The following CAPN14 variants were observed in gnomAD, a reference collection of about 807,000 sequenced individuals.
The protein encoded by CAPN14 is calpain 14.
In CAPN14, 94 loss-of-function variants were observed where a neutral mutation model predicts 101.3. The ratio of observed to expected loss-of-function variants is 0.93; its 90% CI spans 0.79 to 1.10. The LOEUF is 1.10. CAPN14 is among the 50% of genes least tolerant of loss of function. The pLI, the probability that CAPN14 is intolerant of heterozygous loss-of-function variation, is 0.00. For missense variants in CAPN14, 837 were observed against 828.4 expected, an observed-to-expected ratio of 1.01 and a Z score of -0.13; for synonymous variants, 338 against 317.9, an observed-to-expected ratio of 1.06 and a Z score of -0.67.
At chr2:31,192,230 T>A in intron 10 of CAPN14, 132 bp from the exon 11 acceptor site, 1 of 1,058,430 alleles carries the variant, frequency 9.4e-7, no homozygotes, top group Non-Finnish European at 1.3e-6. Flanking sequence ...TGGGACAGAG[T>A]CGGGGTCCCT....
intron 8 of CAPN14, 53 bp from the exon 9 acceptor site, chr2:31,194,536 T>G: frequency 8.2e-7 from 1 of 1,214,006 alleles, no homozygotes; most frequent in Non-Finnish European, 1.2e-6. Context: ...TAGAAATTCT[T>G]TAGTAAAGGC....
intron 12 of CAPN14, 129 bp from the exon 13 acceptor site, chr2:31,189,607 G>A: frequency 1.3e-6 from 1 of 755,710 alleles, no homozygotes; most frequent in Non-Finnish European, 2.3e-6. Flanking sequence ...AGGCCCCAGT[G>A]GAGGATGAAA....
chr2:31,205,320 A>C lies in CAPN14; in HGVS notation c.128T>G (p.Leu43Arg). 1.3e-6 allele frequency: 2 copies of C among 1,550,962 alleles called. No homozygotes were observed. Among genetic ancestry groups the C allele is most frequent in the Non-Finnish European group, 1.7e-6 (2 of 1,146,966 alleles). Residue 43 changes from leucine to arginine, a missense_variant, in exon 2 of 22, where the codon CTC (leucine) becomes CGC (arginine). Leu to Arg is a moderately radical substitution (Grantham distance 102). Transcript: ENST00000403897. ...LLAECLRNGC[L>R]FEDTSFPATL... ...GGCCGGGAAGCTGGTGTCTTCAAAG[A>C]GGCAGCCATTCCTCAGGCACTCTGC...
chr2:31,197,249 C>T lies in CAPN14; in HGVS notation c.875G>A (p.Ser292Asn). The T allele has an allele frequency of 1.3e-6, 2 of 1,549,372 alleles. No individual in the cohort carries two copies. Among genetic ancestry groups the T allele is most frequent in the East Asian group, 2.4e-5 (1 of 40,888 alleles). ...KVEWKGDWSDSSSKWELLSPK... is the reference protein window; with the variant it reads ...KVEWKGDWSDNSSKWELLSPK... ...CCTCCAAGATGTCCCCAAAGTTCAC[C>T]TGTCACTCCAGTCTCCTTTCCATTC... The change falls in exon 8 of 22, where the codon AGT (serine) becomes AAT (asparagine). Residue 292 changes from serine (S) to asparagine (N), a missense_variant and splice_region_variant. By Grantham distance (46) the Ser-to-Asn change is conservative (BLOSUM62 1). Transcript: ENST00000403897.
intron 7 of CAPN14, 26 bp from the exon 8 acceptor site, chr2:31,197,360 G>C (rs1364343602): frequency 6.8e-7 from 1 of 1,481,424 alleles, no homozygotes; most frequent in Non-Finnish European, 9.2e-7. Context: ...GGCAGTTTAG[G>C]TGACTGGGCT....
intron 8 of CAPN14, among the ~76,000 whole-genome samples, chr2:31,196,425 C>T (rs140950462): frequency 1.3e-5 from 2 of 152,314 alleles, no homozygotes; most frequent in African/African-American, 4.8e-5. Flanking sequence ...GATTCAGTTC[C>T]TCTAACAACA....
intron 7 of CAPN14, 66 bp downstream of exon 7, chr2:31,199,404 T>C (rs1572415370): frequency 1.5e-6 from 2 of 1,331,100 alleles, no homozygotes; most frequent in South Asian, 1.3e-5. Flanking sequence ...TCCACCAAGA[T>C]AAGCTAGGGT....
In CAPN14 at chr2:31,206,021, A is replaced by ATTTT. The variant is rs200116287; in HGVS notation, c.-52-526_-52-523dup. On this transcript the variant is annotated intron_variant, in intron 1 of 21. Coordinates refer to ENST00000403897, the MANE Select transcript of CAPN14 (RefSeq NM_001145122.2). Reference sequence around the variant, plus strand: ...CAAAACCTCCTCCTACATTATCTTTATTTTTTTTATTTATTTATTTTTTTT... The same window carrying ATTTT: ...CAAAACCTCCTCCTACATTATCTTTATTTTTTTTTTTTATTTATTTATTTTTTTT... Among the ~76,000 whole-genome samples the ATTTT allele has an allele frequency of 1.1e-3, 118 of 108,776 alleles. 20 individuals carry two copies. Among genetic ancestry groups the ATTTT allele is most frequent in the Admixed American group, 1.5e-3 (16 of 10,410 alleles). The allele number at this position is 108,776 out of a possible 152,430, so 71.4% of individuals were successfully genotyped here.
chr2:31,218,846 T>C (rs560971513), upstream of CAPN14, among the ~76,000 whole-genome samples: 14 of 152,218 alleles, frequency 9.2e-5, no homozygotes, highest in Non-Finnish European at 1.5e-4. Flanking sequence ...GCTTTCTTCC[T>C]GAGCTAAACG....
chr2:31,180,786 G>A, intron 17 of CAPN14, 150 bp downstream of exon 17: 1 of 644,260 alleles, frequency 1.6e-6, no homozygotes, highest in Non-Finnish European at 2.8e-6. Flanking sequence ...TGCTTCAGAT[G>A]AGCATCTGGA....
intron 1 of CAPN14, among the ~76,000 whole-genome samples, chr2:31,210,423 G>A (rs61310763): frequency 0.036 from 5,368 of 150,868 alleles, 260 homozygotes; most frequent in African/African-American, 0.11. Context: ...ACTCCAGCCT[G>A]GGCGACAGAG....
Position 31,199,526 on chromosome 2 carries a change from T to A in CAPN14, c.733A>T (p.Ile245Phe), listed in dbSNP as rs552019253. The part of the protein sequence containing the change: ...IGCQTHSGEK[I>F]LENGLVEGHA... ...CCTTCCACCAGCCCATTCTCCAGAA[T>A]CTTCTCCTGCAGAGACAAGAGAGGT... The change falls in exon 7 of 22, where the codon ATT (isoleucine) becomes TTT (phenylalanine). Residue 245 changes from isoleucine to phenylalanine, a missense_variant. By Grantham distance (21) the Ile-to-Phe change is conservative. Coordinates refer to ENST00000403897, the MANE Select transcript of CAPN14 (RefSeq NM_001145122.2). 4.9e-5 allele frequency: 76 copies of A among 1,551,490 alleles called. 1 individual carries two copies. In the South Asian group the frequency reaches 8.9e-4, roughly 18 times the overall value.
intron 9 of CAPN14, 88 bp from the exon 10 acceptor site, chr2:31,193,382 G>A: frequency 7.7e-7 from 1 of 1,306,736 alleles, no homozygotes; most frequent in East Asian, 2.5e-5. Flanking sequence ...ACGGAGCAGT[G>A]GGCATCCCAG....
intron 1 of CAPN14, among the ~76,000 whole-genome samples, chr2:31,232,387 T>A (rs1287653382): frequency 1.3e-5 from 2 of 152,258 alleles, no homozygotes; most frequent in Non-Finnish European, 2.9e-5. Context: ...CCATTGCAGC[T>A]GTCTCCTAAG....
chr2:31,199,248 CT>C (rs1023109138), intron 7 of CAPN14, among the ~76,000 whole-genome samples: 1 of 152,142 alleles, frequency 6.6e-6, no homozygotes, highest in African/African-American at 2.4e-5. Flanking sequence ...GGATGGTTGG[CT>C]GAGGGCTGCC....
chr2:31,210,092 G>A, intron 1 of CAPN14, among the ~76,000 whole-genome samples: 1 of 152,192 alleles, frequency 6.6e-6, no homozygotes, highest in African/African-American at 2.4e-5. Flanking sequence ...GTTGATGTCA[G>A]TGAAAACATT....
In CAPN14 at chr2:31,233,638, GGAAT is replaced by G. The variant is rs1683261436; in HGVS notation, c.-177+149_-177+152del. Among the ~76,000 whole-genome samples, 2 of 152,206 alleles carry G rather than the reference GGAAT, an allele frequency of 1.3e-5. 1 individual carries two copies. Among genetic ancestry groups the G allele is most frequent in the South Asian group, 4.2e-4 (2 of 4,816 alleles). On this transcript the variant is annotated intron_variant and NMD_transcript_variant, in intron 1 of 21. Coordinates refer to the CAPN14 transcript ENST00000398824. Reference sequence around the variant, plus strand: ...GCTTCTTGGCTTGTTTTGTTTTGCTGGAATGAATGAATAAGTAAATGGGAACGAT... The same window carrying G: ...GCTTCTTGGCTTGTTTTGTTTTGCTGGAATGAATAAGTAAATGGGAACGAT...
At chr2:31,189,135 C>T in intron 13 of CAPN14, 138 bp downstream of exon 13, 2 of 732,926 alleles carry the variant, frequency 2.7e-6, no homozygotes, top group South Asian at 1.7e-5. Context: ...TGCAGAAAGT[C>T]ACCTGGTCTC....
Position 31,232,578 on chromosome 2 carries a change from G to A in CAPN14, c.-177+1213C>T, listed in dbSNP as rs189850069. ...TCATGGCATAAAGGGAAGCAAACAC[G>A]TCCTTCATAAGGCGGCAGGAGAGAG... On this transcript the variant is annotated intron_variant and NMD_transcript_variant, in intron 1 of 21. Transcript: ENST00000398824. Among the ~76,000 whole-genome samples the A allele has an allele frequency of 1.9e-3, 288 of 152,292 alleles. 1 individual carries two copies. The highest frequency in any genetic ancestry group is 2.8e-3 in the Non-Finnish European group (191 of 68,020).
Sources: allele counts gnomAD v4.1 joint callset (sites outside exome capture counted in the v4.1 genomes callset), GRCh38; gene constraint gnomAD v4.1.1; transcripts MANE v1.5; gene names NCBI Gene and HGNC (gene_info 2026-07-23, HGNC 2026-07-21).